NCAM2: variants seen among roughly 807,000 people sequenced by gnomAD.
NCAM2 encodes the protein neural cell adhesion molecule 2, also known as N-CAM-2.
NCAM2 carries 30 observed loss-of-function variants against 98.1 expected under a neutral mutation model. That is an observed-to-expected ratio of 0.31 (90% CI 0.23 to 0.41). NCAM2 has a LOEUF of 0.41. NCAM2 is among the 10% of genes least tolerant of loss of function. The probability of loss-of-function intolerance (pLI) is 1.00; values close to 1 mark genes in which losing one functional copy is unlikely to be tolerated. For synonymous variants in NCAM2, 368 were observed against 342.4 expected, an observed-to-expected ratio of 1.07 and a Z score of -0.83; for missense variants, 867 against 1,005.8, an observed-to-expected ratio of 0.86 and a Z score of 1.87.
At chr21:21,081,930 T>G (rs1045703029) in intron 1 of NCAM2, among the ~76,000 whole-genome samples, 3 of 151,856 alleles carry the variant, frequency 2.0e-5, no homozygotes, top group Non-Finnish European at 4.4e-5. Flanking sequence ...AATTGCTCAG[T>G]AATTTCTAAT....
chr21:21,025,039 A>G (rs1015716271), intron 1 of NCAM2, among the ~76,000 whole-genome samples: 1 of 152,196 alleles, frequency 6.6e-6, no homozygotes, highest in African/African-American at 2.4e-5. Context: ...CTAAATACAC[A>G]CTATGGTCTT....
intron 12 of NCAM2, among the ~76,000 whole-genome samples, chr21:21,435,766 C>T (rs1302536018): frequency 6.6e-6 from 1 of 152,142 alleles, no homozygotes. Context: ...TTAAGAGTAC[C>T]TGTGTAATGG....
intron 1 of NCAM2, among the ~76,000 whole-genome samples, chr21:21,117,288 A>G (rs889445263): frequency 2.8e-5 from 4 of 142,810 alleles, no homozygotes; most frequent in African/African-American, 1.1e-4. Context: ...GTAAGATTCT[A>G]TATATAAGTG....
At chr21:21,023,337 A>G (rs2064474493) in intron 1 of NCAM2, among the ~76,000 whole-genome samples, 1 of 152,242 alleles carries the variant, frequency 6.6e-6, no homozygotes, top group South Asian at 2.1e-4. Context: ...CAGCCTGACC[A>G]ACATGGTGGA....
intron 12 of NCAM2, among the ~76,000 whole-genome samples, chr21:21,438,167 T>G (rs925913939): frequency 1.3e-5 from 2 of 152,198 alleles, no homozygotes; most frequent in African/African-American, 4.8e-5. Flanking sequence ...GTTTAATGTT[T>G]AGTTACTTTT....
Position 21,149,522 on chromosome 21 carries a change from G to T in NCAM2, c.56-131056G>T, listed in dbSNP as rs553108858. Among the ~76,000 whole-genome samples, 6 of 152,100 alleles carry T rather than the reference G, an allele frequency of 3.9e-5. No homozygotes were observed. In the South Asian group the frequency reaches 1.2e-3, roughly 32 times the overall value. ...TATCAACCCATCATCTAGGTTTTAA[G>T]CCCTGCATGCATTAGGTATTTATCC... On this transcript the variant is annotated intron_variant, in intron 1 of 17. Transcript: ENST00000400546.
chr21:21,063,360 A>G (rs1416678480), intron 1 of NCAM2, among the ~76,000 whole-genome samples: 2 of 151,468 alleles, frequency 1.3e-5, no homozygotes, highest in Non-Finnish European at 2.9e-5. Flanking sequence ...AGCTGGGTCT[A>G]CAGGCATGCG....
chr21:21,050,732 G>A (rs983148725), intron 1 of NCAM2, among the ~76,000 whole-genome samples: 2 of 152,100 alleles, frequency 1.3e-5, no homozygotes, highest in East Asian at 1.9e-4. Flanking sequence ...TTAATCTCCC[G>A]ATCTGGGAAA....
chr21:21,217,967 A>G (rs990304003), intron 1 of NCAM2, among the ~76,000 whole-genome samples: 2 of 152,292 alleles, frequency 1.3e-5, no homozygotes, highest in African/African-American at 4.8e-5. Context: ...AATTCTGTAA[A>G]CAGCCATAGA....
intron 1 of NCAM2, among the ~76,000 whole-genome samples, chr21:21,062,617 G>T (rs1039851894): frequency 1.3e-5 from 2 of 152,146 alleles, no homozygotes; most frequent in Non-Finnish European, 2.9e-5. Context: ...ATAAATTTTT[G>T]TTGTTTAAGC....
At chr21:21,287,794 C>T (rs1273950195) in intron 4 of NCAM2, among the ~76,000 whole-genome samples, 2 of 151,858 alleles carry the variant, frequency 1.3e-5, no homozygotes, top group Non-Finnish European at 2.9e-5. Context: ...GACTAAATGA[C>T]GTACAGCCAG....
At chr21:21,341,364 C>T (rs1004261251) in intron 8 of NCAM2, among the ~76,000 whole-genome samples, 4 of 152,066 alleles carry the variant, frequency 2.6e-5, no homozygotes, top group Non-Finnish European at 5.9e-5. Context: ...ATAAACTCAT[C>T]AGTTGGTGTC....
At chr21:21,407,685 A>T (rs1271161816) in intron 9 of NCAM2, among the ~76,000 whole-genome samples, 9 of 152,226 alleles carry the variant, frequency 5.9e-5, no homozygotes, top group African/African-American at 7.2e-5. Flanking sequence ...TATATTTTAC[A>T]TACCTTAACA....
chr21:21,528,158 A>C (rs2146407969), intron 16 of NCAM2, among the ~76,000 whole-genome samples: 1 of 152,364 alleles, frequency 6.6e-6, no homozygotes, highest in Non-Finnish European at 1.5e-5. Context: ...GAAAAGCAAA[A>C]GACACTAAAA....
intron 1 of NCAM2, among the ~76,000 whole-genome samples, chr21:21,218,393 G>C (rs548926253): frequency 6.6e-6 from 1 of 152,278 alleles, no homozygotes; most frequent in African/African-American, 2.4e-5. Context: ...AAACTAGATA[G>C]TGAATGTTTA....
intron 1 of NCAM2, among the ~76,000 whole-genome samples, chr21:21,094,450 C>T (rs2066075706): frequency 1.3e-5 from 2 of 151,514 alleles, no homozygotes; most frequent in South Asian, 4.2e-4. Context: ...TACCTAAAAG[C>T]TAAACAATAT....
At chr21:21,143,820 T>C (rs892547516) in intron 1 of NCAM2, among the ~76,000 whole-genome samples, 3 of 150,234 alleles carry the variant, frequency 2.0e-5, no homozygotes, top group African/African-American at 7.3e-5. Flanking sequence ...TTTTTTTTTT[T>C]CCAGCAGTTA....
At chr21:21,473,714 CTG>C (rs1984781077) in intron 14 of NCAM2, among the ~76,000 whole-genome samples, 1 of 151,830 alleles carries the variant, frequency 6.6e-6, no homozygotes, top group African/African-American at 2.4e-5. Flanking sequence ...AGTCAGTAAA[CTG>C]TTTCTTGTTA....
chr21:21,060,304 T>C (rs2065295442), intron 1 of NCAM2, among the ~76,000 whole-genome samples: 1 of 152,152 alleles, frequency 6.6e-6, no homozygotes, highest in African/African-American at 2.4e-5. Context: ...ATATTAATTT[T>C]AGCATTCAAT....
Sources: gnomAD v4.1 joint callset for allele counts (sites outside exome capture counted in the v4.1 genomes callset) on GRCh38, gnomAD v4.1.1 for gene constraint, MANE v1.5 for transcripts, NCBI Gene and HGNC (gene_info 2026-07-23, HGNC 2026-07-21) for gene names.